The following ARMC8 variants were observed in gnomAD, a reference collection of about 807,000 sequenced individuals.
The protein encoded by ARMC8 is armadillo repeat containing 8.
Under a neutral mutation model 99.3 loss-of-function variants are expected in ARMC8, and 20 were observed. The observed-to-expected ratio is 0.20, with a 90% CI of 0.14 to 0.29. The LOEUF (loss-of-function observed/expected upper bound fraction) is 0.29, where lower values mean the gene tolerates loss of function less well. ARMC8 is among the 10% of genes least tolerant of loss of function. The pLI, the probability that ARMC8 is intolerant of heterozygous loss-of-function variation, is 1.00. For missense variants in ARMC8, 569 were observed against 809.5 expected (o/e 0.70, Z 3.60); for synonymous variants, 263 against 278.3 (o/e 0.95, Z 0.55).
intron 2 of ARMC8, among the ~76,000 whole-genome samples, chr3:138,220,560 G>T (rs1478424363): frequency 2.0e-5 from 3 of 152,140 alleles, no homozygotes; most frequent in Non-Finnish European, 2.9e-5. Flanking sequence ...AGTTGTTGCA[G>T]TATTTTTCTG....
chr3:138,290,115 G>C (rs2050799805), intron 20 of ARMC8, among the ~76,000 whole-genome samples: 2 of 152,214 alleles, frequency 1.3e-5, no homozygotes, highest in Non-Finnish European at 2.9e-5. Flanking sequence ...GTGCTGGGAG[G>C]ACAGAGGAGG....
intron 21 of ARMC8, among the ~76,000 whole-genome samples, chr3:138,291,502 T>C (rs112017961): frequency 2.6e-5 from 4 of 152,322 alleles, no homozygotes; most frequent in African/African-American, 9.6e-5. Flanking sequence ...ACTGGAGATA[T>C]AATGGTGAAT....
At chr3:138,258,855 C>T (rs1290470989) in intron 12 of ARMC8, among the ~76,000 whole-genome samples, 5 of 152,198 alleles carry the variant, frequency 3.3e-5, no homozygotes, top group Non-Finnish European at 1.5e-5. Flanking sequence ...AGAAAGATGG[C>T]CTCCTCCACT....
chr3:138,236,972 T>C (rs561449919), intron 7 of ARMC8, among the ~76,000 whole-genome samples: 2 of 152,348 alleles, frequency 1.3e-5, no homozygotes, highest in East Asian at 3.9e-4. Flanking sequence ...TTTTATTCGC[T>C]TTGAAAGCCA....
intron 11 of ARMC8, among the ~76,000 whole-genome samples, chr3:138,243,284 A>AC (rs2046716877): frequency 6.6e-6 from 1 of 152,214 alleles, no homozygotes; most frequent in East Asian, 1.9e-4. Flanking sequence ...TAACAACAAT[A>AC]ATCCTTAAAA....
intron 5 of ARMC8, 79 bp downstream of exon 5, chr3:138,223,812 C>T (rs964669271): frequency 1.7e-6 from 2 of 1,200,036 alleles, no homozygotes; most frequent in South Asian, 1.2e-5. Context: ...TCTTCAGACT[C>T]ATCATAACTG....
chr3:138,241,563 G>A (rs114576554), intron 10 of ARMC8, among the ~76,000 whole-genome samples: 4 of 152,222 alleles, frequency 2.6e-5, no homozygotes, highest in Non-Finnish European at 5.9e-5. Context: ...ATACTTTGAC[G>A]TACGAATAGA....
intron 1 of ARMC8, among the ~76,000 whole-genome samples, chr3:138,190,158 T>G (rs2043297332): frequency 6.6e-6 from 1 of 152,170 alleles, no homozygotes; most frequent in South Asian, 2.1e-4. Context: ...CCATGTCTAC[T>G]TAAATTTTCC....
chr3:138,233,055 G>A (rs1028907229), intron 6 of ARMC8, among the ~76,000 whole-genome samples: 3 of 152,184 alleles, frequency 2.0e-5, no homozygotes, highest in Non-Finnish European at 4.4e-5. Context: ...ATCCTTACGA[G>A]ACCCCTGTTT....
At chr3:138,265,780 G>A (rs2048221561) in intron 14 of ARMC8, among the ~76,000 whole-genome samples, 2 of 152,202 alleles carry the variant, frequency 1.3e-5, no homozygotes, top group Admixed American at 6.5e-5. Context: ...AAGTGGAAGA[G>A]TTAGACCAAT....
At chr3:138,222,392 T>C (rs2045453315) in intron 3 of ARMC8, among the ~76,000 whole-genome samples, 1 of 152,366 alleles carries the variant, frequency 6.6e-6, no homozygotes, top group Admixed American at 6.5e-5. Flanking sequence ...AAACCCTGCT[T>C]GATTTTTAAT....
intron 21 of ARMC8, among the ~76,000 whole-genome samples, chr3:138,295,054 A>G (rs927192076): frequency 6.6e-5 from 10 of 151,880 alleles, no homozygotes; most frequent in Non-Finnish European, 1.2e-4. Context: ...GCCCGCTGCC[A>G]CACTCGGCTA....
intron 12 of ARMC8, among the ~76,000 whole-genome samples, chr3:138,253,536 AC>A (rs2047239122): frequency 6.6e-6 from 1 of 152,252 alleles, no homozygotes; most frequent in Non-Finnish European, 1.5e-5. Flanking sequence ...AAGAAATTTT[AC>A]TGAAGAGTAT....
intron 10 of ARMC8, among the ~76,000 whole-genome samples, chr3:138,241,238 A>G (rs941675557): frequency 2.0e-5 from 3 of 152,200 alleles, no homozygotes; most frequent in Admixed American, 1.3e-4. Context: ...CAGTTGCATT[A>G]TAGTAGAACT....
intron 1 of ARMC8, 122 bp downstream of exon 1, chr3:138,187,721 T>C: frequency 9.0e-7 from 1 of 1,117,316 alleles, no homozygotes. Flanking sequence ...CGGCTCAGTC[T>C]CGGGCCAGGG....
At chr3:138,201,436 CTT>C (rs58707271) in intron 1 of ARMC8, among the ~76,000 whole-genome samples, 1 of 64,928 alleles carries the variant, frequency 1.5e-5, no homozygotes, top group African/African-American at 4.4e-5. Context: ...CTTCCCCTCC[CTT>C]TTTTTTTTTT....
chr3:138,267,994 G>A (rs975762084), intron 15 of ARMC8, among the ~76,000 whole-genome samples: 1 of 152,124 alleles, frequency 6.6e-6, no homozygotes, highest in Admixed American at 6.5e-5. Context: ...TGTAAACCCA[G>A]CAGTTTGGGA....
chr3:138,195,762 A>G (rs952059993), intron 1 of ARMC8, among the ~76,000 whole-genome samples: 8 of 151,984 alleles, frequency 5.3e-5, no homozygotes, highest in African/African-American at 1.9e-4. Context: ...CAGTAGTGCT[A>G]TGATCCCTGG....
rs765867423 is a variant in ARMC8, at chr3:138,296,094, G to T, written c.*202G>T. On this transcript the variant is annotated 3_prime_UTR_variant, in exon 22 of 22. Transcript: ENST00000469044. ...GTAGTAATTTCCTCAGAAGACTCTT[G>T]TGTTTTGTTTTGGTTTTTTTTTCTG... is the stretch of plus-strand genomic sequence containing the variant. 1.5e-4 allele frequency: 74 copies of T among 497,240 alleles called. 1 individual carries two copies. In the Middle Eastern group the frequency reaches 1.6e-3, roughly 11 times the overall value. The allele number at this position is 497,240 out of a possible 1,614,324, so 30.8% of individuals were successfully genotyped here. A position where few individuals can be genotyped will look rare whatever the true frequency, so the allele number is the denominator to read the frequency against.
Sources: gnomAD v4.1 joint callset for allele counts (sites outside exome capture counted in the v4.1 genomes callset) on GRCh38, gnomAD v4.1.1 for gene constraint, MANE v1.5 for transcripts, NCBI Gene and HGNC (gene_info 2026-07-23, HGNC 2026-07-21) for gene names.